NPAS2: variants seen among roughly 807,000 people sequenced by gnomAD.
NPAS2 encodes neuronal PAS domain-containing protein 2.
A neutral mutation model predicts 107.5 loss-of-function variants in NPAS2; 23 were observed. The ratio of observed to expected loss-of-function variants is 0.21; its 90% CI spans 0.15 to 0.30. NPAS2 has a LOEUF of 0.30. Ranked by LOEUF, NPAS2 falls within the 10% of genes least tolerant of loss-of-function variation. The probability of loss-of-function intolerance (pLI) is 1.00; values close to 1 mark genes in which losing one functional copy is unlikely to be tolerated. For missense variants in NPAS2, 756 were observed against 1,043.3 expected, an observed-to-expected ratio of 0.72 and a Z score of 3.79; for synonymous variants, 403 against 417.5, an observed-to-expected ratio of 0.97 and a Z score of 0.42.
Position 100,988,609 on chromosome 2 carries a change from C to T in NPAS2, c.1827+333C>T, listed in dbSNP as rs112712491. 6.0e-4 allele frequency: 213 copies of T among 355,506 alleles called. 2 individuals carry two copies. The highest frequency in any genetic ancestry group is 4.1e-3 in the African/African-American group (195 of 47,462). 22.0% of individuals were successfully genotyped at this position (355,506 alleles called of 1,614,324 possible). The stretch of plus-strand genomic sequence containing the variant: ...TATGGCCATCCCAGAGACCCACTGG[C>T]AGCTGAATGTCCCAACACTCAACGT... On this transcript the variant is annotated intron_variant, in intron 17 of 20. Coordinates refer to ENST00000335681, the MANE Select transcript of NPAS2 (RefSeq NM_002518.4).
chr2:100,941,751 T>C (rs1038255554), intron 5 of NPAS2, among the ~76,000 whole-genome samples: 7 of 152,220 alleles, frequency 4.6e-5, no homozygotes, highest in African/African-American at 1.7e-4. Context: ...GTCACGTGCC[T>C]TGGACAGAAT....
chr2:100,854,024 C>A (rs1349194102), intron 1 of NPAS2, among the ~76,000 whole-genome samples: 1 of 150,394 alleles, frequency 6.6e-6, no homozygotes, highest in Non-Finnish European at 1.5e-5. Context: ...GTGACATGTG[C>A]CTCTAGTCTC....
intron 1 of NPAS2, among the ~76,000 whole-genome samples, chr2:100,871,621 A>G (rs1573510474): frequency 6.6e-6 from 1 of 151,898 alleles, no homozygotes; most frequent in African/African-American, 2.4e-5. Flanking sequence ...GTGAGCCACC[A>G]CGCCTGGCCT....
chr2:100,821,330 G>A, intron 1 of NPAS2: 1 of 774,342 alleles, frequency 1.3e-6, no homozygotes, highest in Non-Finnish European at 1.8e-6. Context: ...CTTGTGTCCG[G>A]GAGGCTTTAG....
At chr2:100,988,943 C>T in intron 17 of NPAS2, 1 of 249,956 alleles carries the variant, frequency 4.0e-6, no homozygotes, top group Non-Finnish European at 7.6e-6. Flanking sequence ...CCAGGCCTCC[C>T]TGTTCCTCCA....
chr2:100,995,859 G>A lies in NPAS2; in HGVS notation c.*277G>A, dbSNP rs1187541660. On this transcript the variant is annotated 3_prime_UTR_variant, in exon 21 of 21. Transcript: ENST00000335681. ...CAGGTGCCCCGTGTAGGCATCGTCG[G>A]TCGGTTTGCCGTCAGAGATGGCGCA... is the stretch of plus-strand genomic sequence containing the variant. The A allele has an allele frequency of 3.3e-6, 5 of 1,507,252 alleles. No homozygotes were observed. In the South Asian group the frequency reaches 6.0e-5, roughly 18 times the overall value. 93.4% of individuals were successfully genotyped at this position (1,507,252 alleles called of 1,614,324 possible).
At position 100,996,364 on chromosome 2, in the gene NPAS2, A is replaced by G. The variant is rs1678442431; in HGVS notation, c.*782A>G. ...CAACTACAAAGGTGGACTCAAAGCA[A>G]AGCACAATCATGCCAGCCAACATTC... On this transcript the variant is annotated 3_prime_UTR_variant, in exon 21 of 21. Coordinates refer to ENST00000335681, the MANE Select transcript of NPAS2 (RefSeq NM_002518.4). The G allele has an allele frequency of 1.3e-5, 2 of 154,622 alleles. No individual in the cohort carries two copies. The highest frequency in any genetic ancestry group is 6.4e-5 in the Admixed American group (1 of 15,612). The allele number at this position is 154,622 out of a possible 1,614,324, so 9.6% of individuals were successfully genotyped here.
At chr2:100,971,155 T>C in intron 12 of NPAS2, 81 bp downstream of exon 12, 1 of 1,367,790 alleles carries the variant, frequency 7.3e-7, no homozygotes, top group Non-Finnish European at 1.0e-6. Context: ...AAACAAGGGT[T>C]TCTTTTCATC....
intron 1 of NPAS2, among the ~76,000 whole-genome samples, chr2:100,864,838 CA>C (rs759176653): frequency 3.9e-5 from 6 of 152,162 alleles, no homozygotes; most frequent in Non-Finnish European, 8.8e-5. Context: ...GAGTATTTAT[CA>C]CCTTATAAAT....
At chr2:100,826,118 C>T (rs532709638) in intron 1 of NPAS2, among the ~76,000 whole-genome samples, 2 of 152,106 alleles carry the variant, frequency 1.3e-5, no homozygotes, top group Non-Finnish European at 1.5e-5. Flanking sequence ...TCATTTTTGG[C>T]GCATTTACAT....
At chr2:100,990,501 T>G (rs1352406751) in intron 18 of NPAS2, 55 bp downstream of exon 18, 5 of 1,563,544 alleles carry the variant, frequency 3.2e-6, no homozygotes, top group Non-Finnish European at 4.4e-6. Flanking sequence ...ACCCCATTCA[T>G]TTCAGCTCTA....
chr2:100,977,036 T>C (rs1677060484), intron 14 of NPAS2: 3 of 150,350 alleles, frequency 2.0e-5, no homozygotes, highest in Admixed American at 2.0e-4. Context: ...TTCACTGTTC[T>C]TTAAAAAAAA....
At chr2:100,987,243 C>A (rs56003443) in intron 16 of NPAS2, 21,699 of 152,252 alleles carry the variant, frequency 0.14, 2,067 homozygotes, top group Non-Finnish European at 0.2. Context: ...GCGTAAACAA[C>A]TGTTTTAAAT....
chr2:100,977,865 T>G, intron 15 of NPAS2, 66 bp downstream of exon 15: 1 of 1,374,412 alleles, frequency 7.3e-7, no homozygotes, highest in Non-Finnish European at 1.0e-6. Context: ...GCTGCGCTGA[T>G]GGTCTTGTAC....
At chr2:100,867,146 C>T in intron 1 of NPAS2, among the ~76,000 whole-genome samples, 1 of 152,148 alleles carries the variant, frequency 6.6e-6, no homozygotes, top group East Asian at 1.9e-4. Flanking sequence ...TTGTTGCGTG[C>T]TTGAAGAGAA....
Sources: gnomAD v4.1 joint callset for allele counts (sites outside exome capture counted in the v4.1 genomes callset) on GRCh38, gnomAD v4.1.1 for gene constraint, MANE v1.5 for transcripts, NCBI Gene and HGNC (gene_info 2026-07-23, HGNC 2026-07-21) for gene names.